The following ACTN1 variants were observed in gnomAD, a reference collection of about 807,000 sequenced individuals.
ACTN1 encodes actinin alpha 1.
Under a neutral mutation model 119.6 loss-of-function variants are expected in ACTN1, and 30 were observed. The observed-to-expected ratio is 0.25, with a 90% confidence interval of 0.19 to 0.34. The LOEUF (loss-of-function observed/expected upper bound fraction) is 0.34. Ranked by LOEUF, ACTN1 falls within the 10% of genes least tolerant of loss-of-function variation. The probability of loss-of-function intolerance (pLI) is 1.00; values close to 1 mark genes in which losing one functional copy is unlikely to be tolerated. For missense variants in ACTN1, 764 were observed against 1,223.4 expected, an observed-to-expected ratio of 0.62 and a Z score of 5.60; for synonymous variants, 429 against 472.6, an observed-to-expected ratio of 0.91 and a Z score of 1.20.
chr14:68,916,757 A>G (rs2034315917), intron 3 of ACTN1, among the ~76,000 whole-genome samples: 2 of 152,222 alleles, frequency 1.3e-5, no homozygotes, highest in South Asian at 4.1e-4. Flanking sequence ...TGACAGATTA[A>G]CAGCGTCTGT....
intron 3 of ACTN1, among the ~76,000 whole-genome samples, chr14:68,918,023 C>T (rs1411760845): frequency 6.6e-6 from 1 of 152,158 alleles, no homozygotes; most frequent in Non-Finnish European, 1.5e-5. Flanking sequence ...GAGCCAAGAT[C>T]GTGCCATTGC....
chr14:68,958,274 C>T (rs2036417482), intron 1 of ACTN1, among the ~76,000 whole-genome samples: 1 of 152,060 alleles, frequency 6.6e-6, no homozygotes, highest in Non-Finnish European at 1.5e-5. Flanking sequence ...CTGAGAAGAC[C>T]GTTTGAGGCA....
Position 68,884,760 on chromosome 14 carries a change from T to G in ACTN1, c.1494+15A>C, listed in dbSNP as rs1223550348. Reference sequence around the variant, plus strand: ...TGCCGGATATGGGCCTAGATCTCCCTCTGGGACCTCTCACCTCCAGAGCTT... The same window carrying G: ...TGCCGGATATGGGCCTAGATCTCCCGCTGGGACCTCTCACCTCCAGAGCTT... On this transcript the variant is annotated intron_variant, in intron 13 of 21. Coordinates refer to ENST00000394419, the MANE Select transcript of ACTN1 (RefSeq NM_001130004.2). 6.3e-7 allele frequency: 1 copy of G among 1,595,128 alleles called. No homozygotes were observed. The highest frequency in any genetic ancestry group is 1.1e-5 in the South Asian group (1 of 90,676).
intron 20 of ACTN1, 82 bp from the exon 21 acceptor site, chr14:68,877,322 C>T: frequency 6.5e-7 from 1 of 1,548,966 alleles, no homozygotes; most frequent in Non-Finnish European, 8.8e-7. Context: ...CCTGGGGGCT[C>T]AGAGCAGCCT....
intron 4 of ACTN1, among the ~76,000 whole-genome samples, chr14:68,911,891 TCCAATATACTTCC>T (rs1317212330): frequency 6.6e-6 from 1 of 152,216 alleles, no homozygotes; most frequent in Non-Finnish European, 1.5e-5. Flanking sequence ...AGGTGGGTTT[TCCAATATACTTCC>T]CCATGGCAGC....
chr14:68,896,456 T>C (rs1477791900), intron 8 of ACTN1, among the ~76,000 whole-genome samples: 1 of 152,142 alleles, frequency 6.6e-6, no homozygotes, highest in Admixed American at 6.5e-5. Flanking sequence ...GAAAGGCCGC[T>C]GGGGGTGACA....
At chr14:68,899,294 TCACACCCACAGCACAC>T (rs2033131430) in intron 8 of ACTN1, among the ~76,000 whole-genome samples, 1 of 121,840 alleles carries the variant, frequency 8.2e-6, no homozygotes. Flanking sequence ...CAAACACACC[TCACACCCACAGCACAC>T]CACACCCACA....
At position 68,925,166 on chromosome 14, in the gene ACTN1, A is replaced by G. The variant is rs755549793; in HGVS notation, c.220+392T>C. Among the ~76,000 whole-genome samples, 7 of 152,174 alleles carry G rather than the reference A, an allele frequency of 4.6e-5. No individual in the cohort carries two copies. The highest frequency in any genetic ancestry group is 1.0e-4 in the Non-Finnish European group (7 of 68,020). ...GAGCTGTCCCTCCAGACATCTGGACAAACCAGGGGCTGGGGAATGGCCTGG... is the reference window on the plus strand; with the variant it reads ...GAGCTGTCCCTCCAGACATCTGGACGAACCAGGGGCTGGGGAATGGCCTGG... On this transcript the variant is annotated intron_variant, in intron 2 of 21. Transcript: ENST00000394419. The surrounding 1 kb of genome is among the most constrained non-coding windows in gnomAD (Gnocchi z 4.3).
At chr14:68,890,409 C>G in intron 10 of ACTN1, 123 bp from the exon 11 acceptor site, 2 of 1,147,624 alleles carry the variant, frequency 1.7e-6, no homozygotes, top group Non-Finnish European at 2.4e-6. Flanking sequence ...TATCTCTGCC[C>G]CATATCCACC....
chr14:68,930,286 A>G (rs1174178904), intron 1 of ACTN1, among the ~76,000 whole-genome samples: 1 of 152,206 alleles, frequency 6.6e-6, no homozygotes, highest in Non-Finnish European at 1.5e-5. Flanking sequence ...AAATAATTTT[A>G]GCATAGTAAT....
Position 68,958,829 on chromosome 14 carries a change from A to G in ACTN1, c.105+20123T>C, listed in dbSNP as rs79852124. 8.4e-3 allele frequency among the ~76,000 whole-genome samples: 1,280 copies of G among 152,304 alleles called. 18 individuals carry two copies. Among genetic ancestry groups the G allele is most frequent in the African/African-American group, 0.029 (1,215 of 41,560 alleles). On this transcript the variant is annotated intron_variant, in intron 1 of 21. Transcript: ENST00000394419. ...CCCAGGCCCAGCCCCGACTGACCAC[A>G]CTGTTTCCTTCCTGAAGGGCCTCAT...
intron 1 of ACTN1, chr14:68,978,292 G>A: frequency 2.2e-6 from 1 of 448,834 alleles, no homozygotes; most frequent in South Asian, 1.6e-5. Flanking sequence ...ACTGAGTTAA[G>A]CAATAAAACG....
Position 68,948,751 on chromosome 14 carries a change from C to T in ACTN1, c.106-23079G>A, listed in dbSNP as rs28580442. On this transcript the variant is annotated intron_variant, in intron 1 of 21. Transcript: ENST00000394419. Reference sequence around the variant, plus strand: ...CTCTCTTTCTCTGTAACTGGGCATCCAGGAAGTACAGGCTACCAGACCAGC... The same window carrying T: ...CTCTCTTTCTCTGTAACTGGGCATCTAGGAAGTACAGGCTACCAGACCAGC... Among the ~76,000 whole-genome samples, 511 of 134,200 alleles carry T rather than the reference C, an allele frequency of 3.8e-3. 1 individual carries two copies. The highest frequency in any genetic ancestry group is 0.013 in the African/African-American group (495 of 38,096). 88.0% of individuals were successfully genotyped at this position (134,200 alleles called of 152,430 possible).
In ACTN1 at chr14:68,877,064, C is replaced by A. The variant is rs1323630795; in HGVS notation, c.2586+18G>T. The A allele has an allele frequency of 5.0e-6, 8 of 1,613,452 alleles. No homozygotes were observed. The highest frequency in any genetic ancestry group is 1.7e-5 in the Admixed American group (1 of 59,938). ...GTGCCTGCCACCCCAGCACAGTGCC[C>A]ACCCATAGGACACCCACCTTGTCCC... On this transcript the variant is annotated intron_variant, in intron 21 of 21. Coordinates refer to ENST00000394419, the MANE Select transcript of ACTN1 (RefSeq NM_001130004.2).
Position 68,908,329 on chromosome 14 carries a change from C to T in ACTN1, c.594+989G>A, listed in dbSNP as rs576755092. On this transcript the variant is annotated intron_variant, in intron 6 of 21. Coordinates refer to ENST00000394419, the MANE Select transcript of ACTN1 (RefSeq NM_001130004.2). ...ACCATGAGTTGCACAGCAGCTCCTG[C>T]CCCAGTGATATTAAACCTCTCCTGG... 6.3e-4 allele frequency among the ~76,000 whole-genome samples: 96 copies of T among 152,282 alleles called. 1 individual carries two copies. Among genetic ancestry groups the T allele is most frequent in the Admixed American group, 5.9e-4 (9 of 15,304 alleles).
intron 1 of ACTN1, among the ~76,000 whole-genome samples, chr14:68,931,298 T>C (rs1295603866): frequency 6.6e-6 from 1 of 152,190 alleles, no homozygotes; most frequent in African/African-American, 2.4e-5. Flanking sequence ...TGGCAGAAGA[T>C]GGGCAGCCCC....
At chr14:68,972,996 T>C (rs1032873592) in intron 1 of ACTN1, among the ~76,000 whole-genome samples, 5 of 152,110 alleles carry the variant, frequency 3.3e-5, no homozygotes, top group African/African-American at 1.2e-4. Flanking sequence ...AAGGGGCCAG[T>C]TGGGGTCATG....
intron 16 of ACTN1, 185 bp from the exon 17 acceptor site, chr14:68,881,174 C>G: frequency 1.7e-6 from 1 of 585,624 alleles, no homozygotes; most frequent in South Asian, 2.1e-5. Context: ...GGTATGGAAA[C>G]AGCACCACAG....
chr14:68,949,282 T>C (rs10145285), intron 1 of ACTN1, among the ~76,000 whole-genome samples: 117,693 of 152,128 alleles, frequency 0.77, 46,752 homozygotes, highest in East Asian at 1. Context: ...TCCCAGAAGC[T>C]GCATCCCCCT....
Sources: gnomAD v4.1 joint callset for allele counts (sites outside exome capture counted in the v4.1 genomes callset) on GRCh38, gnomAD v4.1.1 for gene constraint, Gnocchi (gnomAD v3.1) non-coding constraint, MANE v1.5 for transcripts, NCBI Gene and HGNC (gene_info 2026-07-23, HGNC 2026-07-21) for gene names.